DNM2: variants seen among roughly 807,000 people sequenced by gnomAD.
The protein encoded by DNM2 is dynamin-2.
DNM2 carries 15 observed loss-of-function variants against 99.0 expected under a neutral mutation model. That is an observed-to-expected ratio of 0.15 (90% confidence interval 0.10 to 0.23). The LOEUF (loss-of-function observed/expected upper bound fraction) is 0.23, where lower values mean the gene tolerates loss of function less well. Ranked by LOEUF, DNM2 falls within the 10% of genes least tolerant of loss-of-function variation. The pLI is 1.00. For synonymous variants in DNM2, 525 were observed against 481.2 expected (o/e 1.09, Z -1.19); for missense variants, 742 against 1,189.4 (o/e 0.62, Z 5.53).
intron 1 of DNM2, among the ~76,000 whole-genome samples, chr19:10,725,589 T>C (rs951572630): frequency 6.6e-6 from 1 of 152,112 alleles, no homozygotes; most frequent in African/African-American, 2.4e-5. Flanking sequence ...ACCAAAAAAG[T>C]GACCTCACTT....
In DNM2 at chr19:10,718,226, C is replaced by CG; in HGVS notation, c.-12dup. ...GGCGAGGAGCGCAGGGCGCTCGGGC[C>CG]GGGGGCCGCCGGCGCCATGGGCAAC... is the stretch of plus-strand genomic sequence containing the variant. On this transcript the variant is annotated 5_prime_UTR_variant, in exon 1 of 21. Coordinates refer to ENST00000389253, the MANE Select transcript of DNM2 (RefSeq NM_001005361.3). 6.8e-7 allele frequency: 1 copy of CG among 1,462,894 alleles called. No homozygotes were observed. Among genetic ancestry groups the CG allele is most frequent in the Non-Finnish European group, 9.1e-7 (1 of 1,104,746 alleles). 90.6% of individuals were successfully genotyped at this position (1,462,894 alleles called of 1,614,324 possible).
intron 9 of DNM2, among the ~76,000 whole-genome samples, chr19:10,797,149 AC>A (rs1405619673): frequency 4.0e-5 from 6 of 150,870 alleles, no homozygotes; most frequent in Admixed American, 4.0e-4. Flanking sequence ...TGCAATGACA[AC>A]CCCCCGTGGC....
At chr19:10,733,008 C>T (rs150906293) in intron 1 of DNM2, among the ~76,000 whole-genome samples, 4,708 of 151,954 alleles carry the variant, frequency 0.031, 81 homozygotes, top group South Asian at 0.096. Context: ...CTCAGCCTCC[C>T]GAGTAGCTGG....
At chr19:10,758,335 TTCCCTCCTTCCTTCCC>T (rs2070477430) in intron 1 of DNM2, among the ~76,000 whole-genome samples, 1 of 55,788 alleles carries the variant, frequency 1.8e-5, no homozygotes, top group Non-Finnish European at 3.7e-5. Context: ...CCCTCCTTCC[TTCCCTCCTTCCTTCCC>T]TCCCTCCTTC....
intron 18 of DNM2, among the ~76,000 whole-genome samples, chr19:10,827,132 T>C (rs911192190): frequency 1.3e-5 from 2 of 152,156 alleles, no homozygotes. Flanking sequence ...TCCCACCCTG[T>C]TGCTCCCATT....
At chr19:10,823,618 C>A (rs1056440368) in intron 16 of DNM2, 170 bp from the exon 17 acceptor site, 3 of 640,348 alleles carry the variant, frequency 4.7e-6, no homozygotes, top group Admixed American at 2.5e-5. Context: ...GCACAGCGCT[C>A]TTCTGTGTAG....
In DNM2 at chr19:10,798,374, C is replaced by T. The variant is rs1409672960; in HGVS notation, c.1336-112C>T. On this transcript the variant is annotated intron_variant, in intron 10 of 20. Transcript: ENST00000389253. ...AGGAGCAAGGTGTGGGCTCGGTGGG[C>T]CCCCTCATATCTCATTCCCCACCCC... is the stretch of plus-strand genomic sequence containing the variant. The T allele has an allele frequency of 1.5e-5, 9 of 610,556 alleles. No individual in the cohort carries two copies. In the East Asian group the frequency reaches 2.0e-4, roughly 13 times the overall value. The allele number at this position is 610,556 out of a possible 1,614,324, so 37.8% of individuals were successfully genotyped here.
rs1273131960 is a variant in DNM2, at chr19:10,818,033, T to G, written c.1672-1947T>G. On this transcript the variant is annotated intron_variant, in intron 15 of 20. Transcript: ENST00000389253. The surrounding 1 kb of genome is among the most constrained non-coding windows in gnomAD (Gnocchi z 4.3). ...AAACGTCCGAGCCGGGGGCAGGGCT[T>G]CTGCAGAGCCCCCTCCCCTAGCCCC... Among the ~76,000 whole-genome samples, 1 of 151,950 alleles carries G rather than the reference T, an allele frequency of 6.6e-6. No homozygotes were observed. The highest frequency in any genetic ancestry group is 1.5e-5 in the Non-Finnish European group (1 of 67,940).
chr19:10,746,727 G>GTTTTTTTTT (rs757494612), intron 1 of DNM2, among the ~76,000 whole-genome samples: 4 of 116,208 alleles, frequency 3.4e-5, no homozygotes, highest in Non-Finnish European at 3.3e-5. Flanking sequence ...CTTTTTTTTT[G>GTTTTTTTTT]TTTTTTGTTT....
chr19:10,802,193 G>T lies in DNM2; in HGVS notation c.1423-95G>T. On this transcript the variant is annotated intron_variant, in intron 11 of 20. Coordinates refer to ENST00000389253, the MANE Select transcript of DNM2 (RefSeq NM_001005361.3). The stretch of plus-strand genomic sequence containing the variant: ...GTCTGGGAAGCCTCCTGGTTCCCAC[G>T]CCTTCCCTGCTGGCAAGGCCAGGAA... 3 of 1,375,960 alleles carry T rather than the reference G, an allele frequency of 2.2e-6. 1 individual carries two copies. The South Asian group carries it at 3.5e-5, about 16-fold the overall frequency. 85.2% of individuals were successfully genotyped at this position (1,375,960 alleles called of 1,614,324 possible). A position where few individuals can be genotyped will look rare whatever the true frequency, so the allele number is the denominator to read the frequency against.
chr19:10,723,009 C>T (rs1942263287), intron 1 of DNM2, among the ~76,000 whole-genome samples: 1 of 151,812 alleles, frequency 6.6e-6, no homozygotes, highest in Non-Finnish European at 1.5e-5. Flanking sequence ...CTCTGTTGCC[C>T]AGGCTGGAGT....
intron 16 of DNM2, among the ~76,000 whole-genome samples, chr19:10,822,377 A>G (rs531640060): frequency 6.6e-6 from 1 of 151,188 alleles, no homozygotes; most frequent in East Asian, 1.9e-4. Flanking sequence ...TTCTGTAGAG[A>G]TGGGGGTGTT....
chr19:10,827,156 A>G (rs2073167932), intron 18 of DNM2, among the ~76,000 whole-genome samples: 1 of 152,172 alleles, frequency 6.6e-6, no homozygotes, highest in Admixed American at 6.6e-5. Context: ...AGTAGTGATC[A>G]GTGTTCACAG....
At chr19:10,721,983 G>A (rs934707250) in intron 1 of DNM2, among the ~76,000 whole-genome samples, 3 of 152,162 alleles carry the variant, frequency 2.0e-5, no homozygotes, top group Non-Finnish European at 2.9e-5. Context: ...CTGGCTGTGC[G>A]ACTCGGCCAC....
chr19:10,781,952 C>G (rs1229995467), intron 5 of DNM2, among the ~76,000 whole-genome samples: 1 of 152,108 alleles, frequency 6.6e-6, no homozygotes, highest in Non-Finnish European at 1.5e-5. Flanking sequence ...CATGAATACC[C>G]TGATGTACCC....
rs1287022716 is a variant in DNM2 at position 10,816,576 on chromosome 19, G to A, written c.1672-3404G>A. Among the ~76,000 whole-genome samples, 1 of 152,100 alleles carries A rather than the reference G, an allele frequency of 6.6e-6. No individual in the cohort carries two copies. Among genetic ancestry groups the A allele is most frequent in the African/African-American group, 2.4e-5 (1 of 41,438 alleles). Reference sequence around the variant, plus strand: ...GGCTCCTCAAAATGGCTGGGGTGGGGTAGGGTGCCCTTTCTCTTTTTCTCC... The same window carrying A: ...GGCTCCTCAAAATGGCTGGGGTGGGATAGGGTGCCCTTTCTCTTTTTCTCC... On this transcript the variant is annotated intron_variant, in intron 15 of 20. Transcript: ENST00000389253. This position sits in a 1 kb window ranked among gnomAD's most constrained non-coding sequence, Gnocchi z 4.6.
chr19:10,759,940 T>G lies in DNM2; in HGVS notation c.235+129T>G, dbSNP rs926636484. On this transcript the variant is annotated intron_variant, in intron 2 of 20. Transcript: ENST00000389253. ...GGACATTGAATTCACGTGTTCCACATGTGTGAGGAAATTGAAAAACGGCTC... is the reference window on the plus strand; with the variant it reads ...GGACATTGAATTCACGTGTTCCACAGGTGTGAGGAAATTGAAAAACGGCTC... The G allele has an allele frequency of 1.3e-5, 17 of 1,294,204 alleles. No individual in the cohort carries two copies. In the African/African-American group the frequency reaches 1.9e-4, roughly 14 times the overall value. The allele number at this position is 1,294,204 out of a possible 1,614,324, so 80.2% of individuals were successfully genotyped here.
rs1453593085 is a variant in DNM2, at chr19:10,820,559, G to T, written c.1781+470G>T. 6.6e-6 allele frequency among the ~76,000 whole-genome samples: 1 copy of T among 152,212 alleles called. No individual in the cohort carries two copies. Among genetic ancestry groups the T allele is most frequent in the Non-Finnish European group, 1.5e-5 (1 of 68,030 alleles). ...CCCTGGTGGGCATGGATATGAGAGA[G>T]AAAGGCACCAATTGTGACCCTGAGT... On this transcript the variant is annotated intron_variant, in intron 16 of 20. Coordinates refer to ENST00000389253, the MANE Select transcript of DNM2 (RefSeq NM_001005361.3). This position sits in a 1 kb window ranked among gnomAD's most constrained non-coding sequence, Gnocchi z 4.3.
In DNM2 at chr19:10,805,829, C is replaced by T. The variant is rs1286741821; in HGVS notation, c.1494-87C>T. On this transcript the variant is annotated intron_variant, in intron 12 of 20. Transcript: ENST00000389253. ...TACCTGTGGCTGCTCACTTGGTCCCCAGGGAGAGAACGGCCACATTCGCCT... is the reference window on the plus strand; with the variant it reads ...TACCTGTGGCTGCTCACTTGGTCCCTAGGGAGAGAACGGCCACATTCGCCT... 5.1e-6 allele frequency: 8 copies of T among 1,568,774 alleles called. No homozygotes were observed. The African/African-American group carries it at 8.1e-5, about 16-fold the overall frequency.
Sources: gnomAD v4.1 joint callset for allele counts (sites outside exome capture counted in the v4.1 genomes callset) on GRCh38, gnomAD v4.1.1 for gene constraint, Gnocchi (gnomAD v3.1) non-coding constraint, MANE v1.5 for transcripts, NCBI Gene and HGNC (gene_info 2026-07-23, HGNC 2026-07-21) for gene names.